Variants in KANK1 observed in about 807,000 individuals in gnomAD.
The protein encoded by KANK1 is KN motif and ankyrin repeat domain-containing protein 1.
Under a neutral mutation model 106.2 loss-of-function variants are expected in KANK1, and 109 were observed. The ratio of observed to expected loss-of-function variants is 1.03; its 90% CI spans 0.88 to 1.20. KANK1 has a LOEUF of 1.20. Ranked by LOEUF, KANK1 falls within the 50% of genes most tolerant of loss-of-function variation. The probability of loss-of-function intolerance (pLI) is 0.00; values close to 1 mark genes in which losing one functional copy is unlikely to be tolerated. For synonymous variants in KANK1, 873 were observed against 652.2 expected, an observed-to-expected ratio of 1.34 and a Z score of -5.16; for missense variants, 2,399 against 1,710.7, an observed-to-expected ratio of 1.40 and a Z score of -7.10.
At chr9:477,922 G>A (rs2058134618) in intron 3 of KANK1, 1 of 154,446 alleles carries the variant, frequency 6.5e-6, no homozygotes, top group African/African-American at 2.4e-5. Context: ...TGGAAAACTG[G>A]GTACCATGTC....
At chr9:630,457 G>T (rs950851979) in intron 1 of KANK1, among the ~76,000 whole-genome samples, 1 of 150,858 alleles carries the variant, frequency 6.6e-6, no homozygotes, top group African/African-American at 2.4e-5. Flanking sequence ...AGGCTGAGGC[G>T]GGAGAATGGC....
chr9:738,215 C>G, intron 7 of KANK1, 70 bp from the exon 8 acceptor site: 1 of 1,276,000 alleles, frequency 7.8e-7, no homozygotes, highest in Non-Finnish European at 1.1e-6. Context: ...GGACAGGTTA[C>G]TTGTGCTTTC....
intron 1 of KANK1, among the ~76,000 whole-genome samples, chr9:649,758 G>A (rs938827568): frequency 7.9e-5 from 12 of 152,084 alleles, no homozygotes; most frequent in African/African-American, 1.7e-4. Flanking sequence ...TACTGATCTC[G>A]TTTTTGACCA....
intron 2 of KANK1, among the ~76,000 whole-genome samples, chr9:691,642 C>G (rs1819960715): frequency 8.8e-6 from 1 of 113,418 alleles, no homozygotes; most frequent in African/African-American, 3.4e-5. Context: ...AGACCAGAGT[C>G]TCACTCTGTC....
intron 1 of KANK1, among the ~76,000 whole-genome samples, chr9:517,510 A>G (rs1427267586): frequency 6.6e-6 from 1 of 151,804 alleles, no homozygotes; most frequent in African/African-American, 2.4e-5. Context: ...TGAGGAAACA[A>G]AAGCCTACTG....
At chr9:544,248 T>A (rs1291893191) in intron 1 of KANK1, among the ~76,000 whole-genome samples, 1 of 152,092 alleles carries the variant, frequency 6.6e-6, no homozygotes. Context: ...CTCGAACTCC[T>A]GGAATCAAGC....
chr9:695,448 C>A (rs1295620535), intron 2 of KANK1, among the ~76,000 whole-genome samples: 4 of 125,090 alleles, frequency 3.2e-5, no homozygotes, highest in African/African-American at 1.2e-4. Flanking sequence ...ACATACCACT[C>A]TGCCCAAGCA....
chr9:683,005 T>C (rs1032435602), intron 2 of KANK1, among the ~76,000 whole-genome samples: 1 of 152,188 alleles, frequency 6.6e-6, no homozygotes, highest in Non-Finnish European at 1.5e-5. Flanking sequence ...TTACGTGCTA[T>C]TTGTCAAGTA....
At chr9:648,641 T>A (rs1383636077) in intron 1 of KANK1, among the ~76,000 whole-genome samples, 1 of 152,086 alleles carries the variant, frequency 6.6e-6, no homozygotes, top group Non-Finnish European at 1.5e-5. Context: ...GTAACAAAGG[T>A]AGAGTGTAAT....
chr9:535,471 GAGT>G (rs2060254799), intron 1 of KANK1, among the ~76,000 whole-genome samples: 1 of 152,190 alleles, frequency 6.6e-6, no homozygotes, highest in African/African-American at 2.4e-5. Context: ...ACTGTACTGT[GAGT>G]TTTCATGTGT....
At chr9:609,953 T>C (rs1367524639) in intron 1 of KANK1, among the ~76,000 whole-genome samples, 2 of 152,216 alleles carry the variant, frequency 1.3e-5, no homozygotes, top group East Asian at 3.8e-4. Context: ...TTGATTTTTA[T>C]TTGGAATGCT....
chr9:713,462 C>T lies in KANK1; in HGVS notation c.2696C>T (p.Thr899Ile), dbSNP rs774099036. Residue 899 changes from threonine (T) to isoleucine (I), a missense_variant and splice_region_variant, in exon 3 of 12, where the codon ACA becomes ATA. Thr to Ile is a moderately conservative substitution (Grantham distance 89, BLOSUM62 -1). Coordinates refer to ENST00000382297, the MANE Select transcript of KANK1 (RefSeq NM_015158.5). The part of the protein sequence containing the change: ...DFQKTSLGKI[T>I]GNYLGYTCKC... ...CAGAAAACCAGTCTGGGTAAAATCA[C>T]AGGTAGGTGGTACCCTGAGGACCTG... The T allele has an allele frequency of 3.2e-6, 5 of 1,581,114 alleles. No individual in the cohort carries two copies. The African/African-American group carries it at 5.4e-5, about 17-fold the overall frequency.
At chr9:654,470 G>A (rs1280609825) in intron 1 of KANK1, among the ~76,000 whole-genome samples, 2 of 152,098 alleles carry the variant, frequency 1.3e-5, no homozygotes, top group Admixed American at 6.5e-5. Flanking sequence ...TTGCTATCAG[G>A]TAAGCCCCAT....
Position 725,667 on chromosome 9 carries a change from C to G in KANK1, c.2699-4384C>G, listed in dbSNP as rs376122562. On this transcript the variant is annotated intron_variant, in intron 3 of 11. Coordinates refer to ENST00000382297, the MANE Select transcript of KANK1 (RefSeq NM_015158.5). Reference sequence around the variant, plus strand: ...TGTCAGAAATGCCATCACTTGGCCCCCATCCCAGAACTGCAGAATGATCTC... The same window carrying G: ...TGTCAGAAATGCCATCACTTGGCCCGCATCCCAGAACTGCAGAATGATCTC... Among the ~76,000 whole-genome samples, 16 of 152,206 alleles carry G rather than the reference C, an allele frequency of 1.1e-4. No individual in the cohort carries two copies. The East Asian group carries it at 1.5e-3, about 15-fold the overall frequency.
At chr9:637,473 A>G (rs1432955602) in intron 1 of KANK1, among the ~76,000 whole-genome samples, 4 of 152,208 alleles carry the variant, frequency 2.6e-5, no homozygotes, top group Admixed American at 1.3e-4. Flanking sequence ...AAATTTTAGC[A>G]TGCATCACAA....
intron 1 of KANK1, among the ~76,000 whole-genome samples, chr9:612,415 G>A (rs911117399): frequency 2.2e-4 from 33 of 152,312 alleles, no homozygotes; most frequent in African/African-American, 7.7e-4. Flanking sequence ...CGGTTTCTTA[G>A]ACATGATGTC....
At chr9:578,340 TG>T (rs1821145586) in intron 1 of KANK1, among the ~76,000 whole-genome samples, 1 of 152,058 alleles carries the variant, frequency 6.6e-6, no homozygotes, top group African/African-American at 2.4e-5. Context: ...TGTGTGTGTG[TG>T]TGTGTGTGTG....
intron 1 of KANK1, among the ~76,000 whole-genome samples, chr9:525,270 C>T (rs1421169445): frequency 1.3e-5 from 2 of 151,394 alleles, no homozygotes; most frequent in African/African-American, 4.9e-5. Flanking sequence ...GCTGGGATTA[C>T]AGGCGTGAGC....
chr9:557,541 G>T (rs542565423), intron 1 of KANK1, among the ~76,000 whole-genome samples: 34 of 152,306 alleles, frequency 2.2e-4, no homozygotes, highest in African/African-American at 8.2e-4. Flanking sequence ...GGAGTTTAAG[G>T]CAGGGAATTC....
Sources: allele counts gnomAD v4.1 joint callset (sites outside exome capture counted in the v4.1 genomes callset), GRCh38; gene constraint gnomAD v4.1.1; transcripts MANE v1.5; gene names NCBI Gene and HGNC (gene_info 2026-07-23, HGNC 2026-07-21).